Variants in SKA3 observed in about 807,000 individuals in gnomAD.
The protein encoded by SKA3 is spindle and kinetochore-associated protein 3.
SKA3 carries 39 observed loss-of-function variants against 44.2 expected under a neutral mutation model. The ratio of observed to expected loss-of-function variants is 0.88; its 90% CI spans 0.68 to 1.15. The LOEUF (loss-of-function observed/expected upper bound fraction) is 1.15, where lower values mean the gene tolerates loss of function less well. SKA3 is among the 50% of genes most tolerant of loss of function. The pLI is 0.00. For synonymous variants in SKA3, 192 were observed against 172.0 expected (o/e 1.12, Z -0.91); for missense variants, 511 against 485.8 (o/e 1.05, Z -0.49).
chr13:21,170,651 A>C (rs974524476), intron 3 of SKA3, among the ~76,000 whole-genome samples: 2 of 152,198 alleles, frequency 1.3e-5, no homozygotes, highest in Non-Finnish European at 2.9e-5. Context: ...TTCTTGCTAC[A>C]AGAGTTCCAA....
At chr13:21,176,313 GCCACGCCCCTCCGCCCGCGGCGCACC>G in intron 1 of SKA3, 36 bp downstream of exon 1, 1 of 1,256,666 alleles carries the variant, frequency 8.0e-7, no homozygotes, top group Non-Finnish European at 1.0e-6. Context: ...CCGTCCACTC[GCCACGCCCCTCCGCCCGCGGCGCACC>G]CCACGCACCG....
intron 7 of SKA3, among the ~76,000 whole-genome samples, chr13:21,156,594 C>A (rs1194300702): frequency 6.6e-6 from 1 of 152,110 alleles, no homozygotes; most frequent in African/African-American, 2.4e-5. Flanking sequence ...CTTCTTCATG[C>A]AATTTATTAT....
In SKA3 at chr13:21,172,697, TG is replaced by T. The variant is rs747360789; in HGVS notation, c.104-17del. 1.4e-6 allele frequency: 2 copies of T among 1,474,534 alleles called. No homozygotes were observed. The highest frequency in any genetic ancestry group is 2.1e-5 in the Admixed American group (1 of 47,018). 91.3% of individuals were successfully genotyped at this position (1,474,534 alleles called of 1,614,324 possible). On this transcript the variant is annotated splice_polypyrimidine_tract_variant and intron_variant, in intron 1 of 8. Transcript: ENST00000314759. ...TCTTCAAAGTCTTCAATATGAATAT[TG>T]AAAGAAAAGAAGTCCAATAAATGTA...
chr13:21,165,244 T>C (rs1461476077), intron 4 of SKA3, among the ~76,000 whole-genome samples: 1 of 150,730 alleles, frequency 6.6e-6, no homozygotes, highest in African/African-American at 2.4e-5. Context: ...ACCCTGTCTT[T>C]ACAGAAAGTT....
chr13:21,163,769 G>GT (rs1488703089), intron 4 of SKA3, among the ~76,000 whole-genome samples: 1 of 152,002 alleles, frequency 6.6e-6, no homozygotes, highest in African/African-American at 2.4e-5. Flanking sequence ...TTCTTCTGGG[G>GT]TTTTTTTGTT....
At chr13:21,160,054 A>G in intron 5 of SKA3, 67 bp from the exon 6 acceptor site, 1 of 1,007,146 alleles carries the variant, frequency 9.9e-7, no homozygotes, top group Non-Finnish European at 1.3e-6. Context: ...ACAGGAAGAA[A>G]ATCTCATATT....
intron 4 of SKA3, among the ~76,000 whole-genome samples, chr13:21,166,702 C>T (rs2137371964): frequency 6.6e-6 from 1 of 152,328 alleles, no homozygotes; most frequent in Non-Finnish European, 1.5e-5. Flanking sequence ...CATTGCACTC[C>T]AGCCTGGGGG....
chr13:21,174,445 T>A (rs1367736980), intron 1 of SKA3, among the ~76,000 whole-genome samples: 1 of 152,132 alleles, frequency 6.6e-6, no homozygotes, highest in Non-Finnish European at 1.5e-5. Context: ...CATGGATGAA[T>A]CTGGAAACCA....
chr13:21,159,665 A>G (rs1870324283), intron 6 of SKA3, among the ~76,000 whole-genome samples: 1 of 152,176 alleles, frequency 6.6e-6, no homozygotes. Flanking sequence ...AACTTGTTTA[A>G]ATCTTTGTCC....
chr13:21,171,719 G>C (rs1397686310), intron 3 of SKA3, among the ~76,000 whole-genome samples: 3 of 152,148 alleles, frequency 2.0e-5, no homozygotes, highest in African/African-American at 7.2e-5. Flanking sequence ...TCATGAGATA[G>C]ATATACTAAA....
Position 21,154,942 on chromosome 13 carries a change from G to C in SKA3, c.*208C>G, listed in dbSNP as rs2137351780. The C allele has an allele frequency of 2.6e-6, 2 of 766,214 alleles. No homozygotes were observed. Among genetic ancestry groups the C allele is most frequent in the South Asian group, 3.7e-5 (2 of 54,744 alleles). 47.5% of individuals were successfully genotyped at this position (766,214 alleles called of 1,614,324 possible). A position where few individuals can be genotyped will look rare whatever the true frequency, so the allele number is the denominator to read the frequency against. On this transcript the variant is annotated 3_prime_UTR_variant, in exon 9 of 9. Coordinates refer to ENST00000314759, the MANE Select transcript of SKA3 (RefSeq NM_145061.6). Reference sequence around the variant, plus strand: ...CACTAATAATCCTTAAAGAGTGAATGACTGGGCTACATGTCAACAAGACTA... The same window carrying C: ...CACTAATAATCCTTAAAGAGTGAATCACTGGGCTACATGTCAACAAGACTA...
intron 4 of SKA3, among the ~76,000 whole-genome samples, 156 bp downstream of exon 4, chr13:21,167,832 C>T (rs781601571): frequency 1.3e-5 from 2 of 150,122 alleles, no homozygotes; most frequent in Non-Finnish European, 3.0e-5. Context: ...CCATCTGTTC[C>T]CCTAAAACCT....
At chr13:21,161,641 G>T in intron 5 of SKA3, 149 bp downstream of exon 5, 1 of 459,036 alleles carries the variant, frequency 2.2e-6, no homozygotes, top group Non-Finnish European at 3.7e-6. Context: ...ACAAAATCAT[G>T]CTGAATGAAA....
intron 7 of SKA3, among the ~76,000 whole-genome samples, chr13:21,156,878 GTGAAACC>G: frequency 9.8e-5 from 1 of 10,186 alleles, no homozygotes; most frequent in Non-Finnish European, 2.5e-4. Flanking sequence ...GGCTAACAAG[GTGAAACC>G]CTGTCTCTAC....
At chr13:21,169,092 G>A (rs1459532029) in intron 3 of SKA3, among the ~76,000 whole-genome samples, 2 of 147,400 alleles carry the variant, frequency 1.4e-5, no homozygotes, top group Non-Finnish European at 3.0e-5. Flanking sequence ...TTTGACTGTT[G>A]CCCAGGCTGG....
chr13:21,164,587 T>C (rs538470337), intron 4 of SKA3, among the ~76,000 whole-genome samples: 9 of 152,340 alleles, frequency 5.9e-5, no homozygotes, highest in Admixed American at 5.9e-4. Flanking sequence ...GACAAAACTG[T>C]TTTTAAAATA....
At chr13:21,159,588 A>G (rs1244258870) in intron 6 of SKA3, among the ~76,000 whole-genome samples, 1 of 152,106 alleles carries the variant, frequency 6.6e-6, no homozygotes, top group East Asian at 1.9e-4. Context: ...TAGTTCTTTG[A>G]TATCATTCGA....
At chr13:21,155,177 CAATTT>C (rs1595294820) in intron 8 of SKA3, 27 bp from the exon 9 acceptor site, 6 of 1,231,700 alleles carry the variant, frequency 4.9e-6, no homozygotes, top group South Asian at 1.7e-5. Flanking sequence ...TAACAAATAT[CAATTT>C]AATAAAATTA....
chr13:21,167,608 T>C (rs1411284401), intron 4 of SKA3, among the ~76,000 whole-genome samples: 1 of 151,534 alleles, frequency 6.6e-6, no homozygotes, highest in Non-Finnish European at 1.5e-5. Flanking sequence ...GTACTAAAAA[T>C]ACAAAAAAAT....
Sources: gnomAD v4.1 joint callset for allele counts (sites outside exome capture counted in the v4.1 genomes callset) on GRCh38, gnomAD v4.1.1 for gene constraint, MANE v1.5 for transcripts, NCBI Gene and HGNC (gene_info 2026-07-23, HGNC 2026-07-21) for gene names.